HOOK3: variants seen among roughly 807,000 people sequenced by gnomAD.
The protein encoded by HOOK3 is hook microtubule tethering protein 3.
Under a neutral mutation model 116.3 loss-of-function variants are expected in HOOK3, and 24 were observed. The observed-to-expected ratio is 0.21, with a 90% CI of 0.15 to 0.29. HOOK3 has a LOEUF of 0.29. Among genes scored for constraint, HOOK3 ranks in the 10% least tolerant of loss-of-function variants. The pLI is 1.00. For missense variants in HOOK3, 632 were observed against 830.2 expected, an observed-to-expected ratio of 0.76 and a Z score of 2.93; for synonymous variants, 275 against 283.0, an observed-to-expected ratio of 0.97 and a Z score of 0.28.
At chr8:42,979,002 C>T (rs1420869570) in intron 13 of HOOK3, among the ~76,000 whole-genome samples, 1 of 152,080 alleles carries the variant, frequency 6.6e-6, no homozygotes, top group Non-Finnish European at 1.5e-5. Flanking sequence ...TCTTGCCTGT[C>T]ATCCTAGCAC....
chr8:42,947,844 T>TTGTGTG (rs34254144), intron 5 of HOOK3, among the ~76,000 whole-genome samples: 2 of 150,864 alleles, frequency 1.3e-5, no homozygotes, highest in African/African-American at 4.9e-5. Context: ...GTGAATGAAA[T>TTGTGTG]TGTGTGTGTG....
intron 1 of HOOK3, among the ~76,000 whole-genome samples, chr8:42,899,671 C>A (rs1807142979): frequency 6.6e-6 from 1 of 152,158 alleles, no homozygotes; most frequent in Admixed American, 6.5e-5. Flanking sequence ...GATTAGTTTT[C>A]TTGATTTTAT....
rs1484149457 is a variant in HOOK3 at position 43,028,988 on chromosome 8, C to T, written c.*10490C>T. The T allele has an allele frequency of 1.0e-5, 2 of 198,798 alleles. No homozygotes were observed. Among genetic ancestry groups the T allele is most frequent in the African/African-American group, 4.6e-5 (2 of 43,376 alleles). 12.3% of individuals were successfully genotyped at this position (198,798 alleles called of 1,614,324 possible). ...CTTCAGTTTATTATCTTCTTGGTGA[C>T]CTACTTTAGTATGTGTTCTGTAGCG... On this transcript the variant is annotated 3_prime_UTR_variant, in exon 22 of 22. Coordinates refer to ENST00000307602, the MANE Select transcript of HOOK3 (RefSeq NM_032410.4).
At position 42,906,273 on chromosome 8, in the gene HOOK3, C is replaced by T. The variant is rs1223330696; in HGVS notation, c.143+15C>T. Reference sequence around the variant, plus strand: ...CTTCAAAAGATGTAAGAATAAATTGCTTATCTTTATGTGTATTCTTATGCA... The same window carrying T: ...CTTCAAAAGATGTAAGAATAAATTGTTTATCTTTATGTGTATTCTTATGCA... On this transcript the variant is annotated intron_variant, in intron 2 of 21. Coordinates refer to ENST00000307602, the MANE Select transcript of HOOK3 (RefSeq NM_032410.4). The T allele has an allele frequency of 8.5e-6, 13 of 1,522,178 alleles. No homozygotes were observed. Among genetic ancestry groups the T allele is most frequent in the Middle Eastern group, 1.7e-4 (1 of 5,782 alleles). 94.3% of individuals were successfully genotyped at this position (1,522,178 alleles called of 1,614,324 possible).
At chr8:43,014,867 C>T (rs533772969) in intron 21 of HOOK3, among the ~76,000 whole-genome samples, 1 of 152,086 alleles carries the variant, frequency 6.6e-6, no homozygotes, top group Admixed American at 6.6e-5. Flanking sequence ...AACGATGGCT[C>T]GGTGCGGTGG....
chr8:43,015,008 A>G (rs1809684272), intron 21 of HOOK3, among the ~76,000 whole-genome samples: 2 of 151,200 alleles, frequency 1.3e-5, no homozygotes, highest in Admixed American at 1.3e-4. Flanking sequence ...TTAGCCAGGC[A>G]TGGTGGCACA....
intron 21 of HOOK3, among the ~76,000 whole-genome samples, chr8:43,016,206 C>T (rs576137145): frequency 6.6e-6 from 1 of 151,034 alleles, no homozygotes; most frequent in African/African-American, 2.4e-5. Context: ...TAAGCTCCGA[C>T]TCCTGGGTTC....
At chr8:43,004,082 AGTGGTCCAGGTGTG>A (rs1354293817) in intron 17 of HOOK3, among the ~76,000 whole-genome samples, 4 of 152,196 alleles carry the variant, frequency 2.6e-5, no homozygotes, top group African/African-American at 9.7e-5. Context: ...TTAAAATGAC[AGTGGTCCAGGTGTG>A]GTGGCTCACG....
At chr8:43,013,454 T>A in intron 21 of HOOK3, 54 bp downstream of exon 21, 1 of 1,349,126 alleles carries the variant, frequency 7.4e-7, no homozygotes, top group African/African-American at 1.5e-5. Flanking sequence ...TATGTAATAC[T>A]TATTATATTC....
intron 4 of HOOK3, among the ~76,000 whole-genome samples, chr8:42,939,575 A>AC (rs1274765288): frequency 4.1e-5 from 5 of 123,076 alleles, no homozygotes; most frequent in East Asian, 2.5e-4. Flanking sequence ...CGGGGGGCTG[A>AC]CCCCCCCACC....
intron 2 of HOOK3, among the ~76,000 whole-genome samples, chr8:42,923,305 C>G (rs1807697101): frequency 6.6e-6 from 1 of 152,220 alleles, no homozygotes; most frequent in Non-Finnish European, 1.5e-5. Context: ...CATGACCCAT[C>G]AGTTTCACCC....
intron 7 of HOOK3, among the ~76,000 whole-genome samples, chr8:42,958,767 C>G (rs1808484934): frequency 6.6e-6 from 1 of 151,944 alleles, no homozygotes; most frequent in Non-Finnish European, 1.5e-5. Context: ...CTCCCCTTGC[C>G]TTGCCATAAG....
intron 2 of HOOK3, among the ~76,000 whole-genome samples, chr8:42,916,377 G>A (rs1807534949): frequency 6.6e-6 from 1 of 152,140 alleles, no homozygotes; most frequent in Non-Finnish European, 1.5e-5. Context: ...CACCAATTAG[G>A]TGCCCTGTAG....
rs907773229 is a variant in HOOK3 at position 42,928,769 on chromosome 8, C to T, written c.217-1353C>T. On this transcript the variant is annotated intron_variant, in intron 3 of 21. Transcript: ENST00000307602. Reference sequence around the variant, plus strand: ...TAAAGACAAGATATACGACCGGGCACAGTGGCTCATGCCTGTAATCTCAAC... The same window carrying T: ...TAAAGACAAGATATACGACCGGGCATAGTGGCTCATGCCTGTAATCTCAAC... 1.3e-4 allele frequency among the ~76,000 whole-genome samples: 20 copies of T among 152,180 alleles called. 1 individual carries two copies. Among genetic ancestry groups the T allele is most frequent in the Admixed American group, 6.5e-5 (1 of 15,276 alleles).
At chr8:42,927,410 T>C (rs915910962) in intron 3 of HOOK3, among the ~76,000 whole-genome samples, 7 of 151,572 alleles carry the variant, frequency 4.6e-5, no homozygotes, top group African/African-American at 1.5e-4. Context: ...GCGCACGCCA[T>C]GATGCCTGGC....
chr8:43,009,025 A>G (rs576137104), intron 18 of HOOK3, among the ~76,000 whole-genome samples: 3 of 152,186 alleles, frequency 2.0e-5, no homozygotes, highest in African/African-American at 7.2e-5. Flanking sequence ...AATCCTAGCA[A>G]TTTGGCAGGC....
chr8:42,897,285 G>C, intron 1 of HOOK3, 97 bp downstream of exon 1: 1 of 848,668 alleles, frequency 1.2e-6, no homozygotes, highest in South Asian at 6.0e-5. Context: ...TGCGGGCGAC[G>C]GTGCCGTCAC....
At chr8:42,903,941 G>A (rs1216005390) in intron 1 of HOOK3, among the ~76,000 whole-genome samples, 4 of 151,946 alleles carry the variant, frequency 2.6e-5, no homozygotes, top group Non-Finnish European at 5.9e-5. Flanking sequence ...GGGCGACAGA[G>A]TGAGACTCCG....
At chr8:42,976,461 G>A (rs1463379602) in intron 13 of HOOK3, among the ~76,000 whole-genome samples, 1 of 152,158 alleles carries the variant, frequency 6.6e-6, no homozygotes, top group Non-Finnish European at 1.5e-5. Flanking sequence ...AGTGAGCTGA[G>A]GTCGCACTAC....
Sources: gnomAD v4.1 joint callset for allele counts (sites outside exome capture counted in the v4.1 genomes callset) on GRCh38, gnomAD v4.1.1 for gene constraint, MANE v1.5 for transcripts, NCBI Gene and HGNC (gene_info 2026-07-23, HGNC 2026-07-21) for gene names.